The following MTOR variants were observed in gnomAD, a reference collection of about 807,000 sequenced individuals.
MTOR encodes mechanistic target of rapamycin kinase.
MTOR carries 70 observed loss-of-function variants against 319.8 expected under a neutral mutation model. The ratio of observed to expected loss-of-function variants is 0.22; its 90% CI spans 0.18 to 0.27. The LOEUF (loss-of-function observed/expected upper bound fraction) is 0.27. Among genes scored for constraint, MTOR ranks in the 10% least tolerant of loss-of-function variants. The probability of loss-of-function intolerance (pLI) is 1.00; values close to 1 mark genes in which losing one functional copy is unlikely to be tolerated. For synonymous variants in MTOR, 1,183 were observed against 1,211.4 expected (o/e 0.98, Z 0.49); for missense variants, 1,890 against 3,274.4 (o/e 0.58, Z 10.32).
intron 26 of MTOR, among the ~76,000 whole-genome samples, chr1:11,202,088 G>A (rs1026510870): frequency 6.6e-6 from 1 of 152,150 alleles, no homozygotes; most frequent in Non-Finnish European, 1.5e-5. Context: ...TTATAGGCAG[G>A]AGCCACAATG....
chr1:11,182,893 T>C (rs1176038987), intron 28 of MTOR, among the ~76,000 whole-genome samples: 1 of 152,234 alleles, frequency 6.6e-6, no homozygotes, highest in Non-Finnish European at 1.5e-5. Context: ...TTGTTTTCAG[T>C]GTTTGGCTAT....
In MTOR at chr1:11,128,260, T is replaced by A; in HGVS notation, c.5911-134A>T. The A allele has an allele frequency of 7.2e-7, 1 of 1,383,250 alleles. No individual in the cohort carries two copies. Among genetic ancestry groups the A allele is most frequent in the Non-Finnish European group, 9.9e-7 (1 of 1,009,444 alleles). 85.7% of individuals were successfully genotyped at this position (1,383,250 alleles called of 1,614,324 possible). On this transcript the variant is annotated intron_variant, in intron 42 of 57. Coordinates refer to ENST00000361445, the MANE Select transcript of MTOR (RefSeq NM_004958.4). This position sits in a 1 kb window ranked among gnomAD's most constrained non-coding sequence, Gnocchi z 5.3. ...CTGCTTGAGACTACCAGGAAGGGGC[T>A]CAGTCTTCGAGGGAACGCTTTCTTT... is the stretch of plus-strand genomic sequence containing the variant.
chr1:11,183,779 G>C (rs897844267), intron 28 of MTOR, among the ~76,000 whole-genome samples: 1 of 151,718 alleles, frequency 6.6e-6, no homozygotes, highest in African/African-American at 2.4e-5. Context: ...GTGAGGTAAC[G>C]ATCAACAGTC....
At chr1:11,168,124 C>T (rs1290082710) in intron 28 of MTOR, among the ~76,000 whole-genome samples, 1 of 150,988 alleles carries the variant, frequency 6.6e-6, no homozygotes, top group African/African-American at 2.4e-5. Flanking sequence ...GGCAGGCAGG[C>T]AACATGTGTC....
intron 28 of MTOR, among the ~76,000 whole-genome samples, chr1:11,172,306 C>A (rs910541349): frequency 1.4e-4 from 22 of 151,960 alleles, no homozygotes; most frequent in South Asian, 6.2e-4. Flanking sequence ...GCCTGTAATC[C>A]CAGCACTTTG....
chr1:11,199,544 G>A lies in MTOR; in HGVS notation c.4104C>T (p.Asp1368=). ...GGACAATGGGGAAAAGTCTCACCTT[G>A]TCACTGTGTTCCATGAATTCAGCCA... ...LNLAEFMEHS[D]KGPLPLRDDN... Residue 1368 remains aspartate (D), a synonymous_variant, in exon 27 of 58, where the codon GAC becomes GAT. Coordinates refer to ENST00000361445, the MANE Select transcript of MTOR (RefSeq NM_004958.4). The surrounding 1 kb of genome is among the most constrained non-coding windows in gnomAD (Gnocchi z 4.5). 1 of 1,614,180 alleles carries A rather than the reference G, an allele frequency of 6.2e-7. No homozygotes were observed. The highest frequency in any genetic ancestry group is 8.5e-7 in the Non-Finnish European group (1 of 1,180,030).
intron 31 of MTOR, among the ~76,000 whole-genome samples, chr1:11,147,099 T>G (rs1409933552): frequency 6.6e-6 from 1 of 152,204 alleles, no homozygotes; most frequent in African/African-American, 2.4e-5. Flanking sequence ...ATGCAGCACC[T>G]CATTATCCTA....
rs1247601989 is a variant in MTOR, at chr1:11,195,030, G to A, written c.4253+4228C>T. On this transcript the variant is annotated intron_variant, in intron 28 of 57. Coordinates refer to ENST00000361445, the MANE Select transcript of MTOR (RefSeq NM_004958.4). ...AGAAGACTTCAAGCCTTAAAAGGAG[G>A]CTGCCGTGGAGCACGGATACAGAAA... The A allele has an allele frequency of 1.9e-6, 3 of 1,612,784 alleles. No homozygotes were observed. In the African/African-American group the frequency reaches 4.0e-5, roughly 22 times the overall value.
chr1:11,222,200 AT>A (rs879898824), intron 19 of MTOR, among the ~76,000 whole-genome samples: 234 of 145,968 alleles, frequency 1.6e-3, no homozygotes, highest in African/African-American at 2.3e-3. Flanking sequence ...TTTAAAAAAA[AT>A]TTTTTTTTTT....
chr1:11,195,647 C>T (rs946800795), intron 28 of MTOR: 3 of 153,632 alleles, frequency 2.0e-5, no homozygotes, highest in Admixed American at 1.9e-4. Context: ...TGAGCACTGC[C>T]CCTGCTCGCC....
At chr1:11,229,007 C>T in intron 18 of MTOR, 89 bp from the exon 19 acceptor site, 1 of 1,460,056 alleles carries the variant, frequency 6.8e-7, no homozygotes, top group South Asian at 1.3e-5. Flanking sequence ...AACCTCCTAA[C>T]AGACATTAGC....
chr1:11,240,605 T>G, intron 10 of MTOR, 58 bp from the exon 11 acceptor site: 1 of 1,566,536 alleles, frequency 6.4e-7, no homozygotes, highest in Non-Finnish European at 8.7e-7. Context: ...AGTCTGTTCT[T>G]GGGAAGAAAC....
chr1:11,154,219 A>T (rs907153280), intron 30 of MTOR, among the ~76,000 whole-genome samples: 1 of 151,736 alleles, frequency 6.6e-6, no homozygotes, highest in Non-Finnish European at 1.5e-5. Context: ...ATATAAATAA[A>T]TAAAGCGGAT....
intron 34 of MTOR, among the ~76,000 whole-genome samples, chr1:11,141,838 T>A (rs935923893): frequency 2.7e-5 from 4 of 148,498 alleles, no homozygotes; most frequent in Non-Finnish European, 4.5e-5. Flanking sequence ...ATAAAAAAAA[T>A]AATAAAAAAA....
chr1:11,255,504 G>A (rs1350396059), intron 5 of MTOR, among the ~76,000 whole-genome samples: 2 of 151,164 alleles, frequency 1.3e-5, no homozygotes, highest in Non-Finnish European at 2.9e-5. Context: ...ATCAATAGAT[G>A]TTTGCTTTAA....
chr1:11,157,558 T>C (rs1365791601), intron 29 of MTOR, among the ~76,000 whole-genome samples: 3 of 152,202 alleles, frequency 2.0e-5, no homozygotes, highest in Non-Finnish European at 4.4e-5. Flanking sequence ...TCCCCCATTA[T>C]TTCCTTCCCA....
In MTOR at chr1:11,212,673, C is replaced by G. The variant is rs1646349352; in HGVS notation, c.3398+123G>C. On this transcript the variant is annotated intron_variant, in intron 22 of 57. Coordinates refer to ENST00000361445, the MANE Select transcript of MTOR (RefSeq NM_004958.4). This position sits in a 1 kb window ranked among gnomAD's most constrained non-coding sequence, Gnocchi z 4.1. The stretch of plus-strand genomic sequence containing the variant: ...TCCATAAACCTGGGATATTTCTAGA[C>G]TAAAATAATGTGAGTTGAAATAACA... 1 of 1,099,658 alleles carries G rather than the reference C, an allele frequency of 9.1e-7. No homozygotes were observed. Among genetic ancestry groups the G allele is most frequent in the Non-Finnish European group, 1.3e-6 (1 of 750,282 alleles). 68.1% of individuals were successfully genotyped at this position (1,099,658 alleles called of 1,614,324 possible).
At chr1:11,162,154 C>T (rs1644496681) in intron 29 of MTOR, among the ~76,000 whole-genome samples, 1 of 151,982 alleles carries the variant, frequency 6.6e-6, no homozygotes, top group African/African-American at 2.4e-5. Context: ...CTTCAGTAGC[C>T]GATTTGATCA....
rs1462757026 is a variant in MTOR, at chr1:11,210,904, G to A, written c.3564C>T (p.Tyr1188=). 2 of 1,607,778 alleles carry A rather than the reference G, an allele frequency of 1.2e-6. No individual in the cohort carries two copies. The highest frequency in any genetic ancestry group is 1.7e-6 in the Non-Finnish European group (2 of 1,174,966). ...SSLVFQLGKK[Y]QIFIPMVNKV... is the part of the protein sequence containing the mutation. ...TATTCACCATTGGAATGAAAATTTGGTACTAAAACAGGAGGGGGAAGAGAT... is the reference window on the plus strand; with the variant it reads ...TATTCACCATTGGAATGAAAATTTGATACTAAAACAGGAGGGGGAAGAGAT... Residue 1188 remains tyrosine (Y), a splice_region_variant and synonymous_variant, in exon 24 of 58, where the codon TAC becomes TAT. Coordinates refer to ENST00000361445, the MANE Select transcript of MTOR (RefSeq NM_004958.4).
Sources: allele counts gnomAD v4.1 joint callset (sites outside exome capture counted in the v4.1 genomes callset), GRCh38; gene constraint gnomAD v4.1.1; non-coding constraint Gnocchi (gnomAD v3.1); transcripts MANE v1.5; gene names NCBI Gene and HGNC (gene_info 2026-07-23, HGNC 2026-07-21).